The following PSMA1 variants were observed in gnomAD, a reference collection of about 807,000 sequenced individuals.
PSMA1 encodes proteasome subunit alpha type-1.
In PSMA1, 3 loss-of-function variants were observed where a neutral mutation model predicts 38.4. That is an observed-to-expected ratio of 0.08 (90% CI 0.04 to 0.20). PSMA1 has a LOEUF of 0.20. Ranked by LOEUF, PSMA1 falls within the 10% of genes least tolerant of loss-of-function variation. PSMA1 has a pLI of 1.00. For synonymous variants in PSMA1, 101 were observed against 107.1 expected, an observed-to-expected ratio of 0.94 and a Z score of 0.35; for missense variants, 227 against 325.3, an observed-to-expected ratio of 0.70 and a Z score of 2.32.
At chr11:14,568,850 A>G (rs1445518651) in intron 2 of PSMA1, among the ~76,000 whole-genome samples, 1 of 152,204 alleles carries the variant, frequency 6.6e-6, no homozygotes, top group African/African-American at 2.4e-5. Context: ...TAGCGGGGAC[A>G]TCTTTCTTGT....
chr11:14,524,946 T>C (rs2134155910), upstream of PSMA1, among the ~76,000 whole-genome samples: 1 of 152,280 alleles, frequency 6.6e-6, no homozygotes, highest in South Asian at 2.1e-4. Context: ...GCTTAGCGGC[T>C]GAAGACTGAC....
intron 2 of PSMA1, among the ~76,000 whole-genome samples, chr11:14,526,106 A>G (rs1053508236): frequency 2.6e-5 from 4 of 152,102 alleles, no homozygotes; most frequent in East Asian, 1.9e-4. Flanking sequence ...ACTGTGTCCA[A>G]CTGATCTCTC....
intron 2 of PSMA1, among the ~76,000 whole-genome samples, chr11:14,601,206 T>C (rs1047242666): frequency 6.6e-6 from 1 of 152,166 alleles, no homozygotes; most frequent in Admixed American, 6.5e-5. Flanking sequence ...CAGTGCTAAC[T>C]CAAGGGTGCT....
At chr11:14,590,925 G>A (rs929437962) in intron 2 of PSMA1, among the ~76,000 whole-genome samples, 1 of 152,232 alleles carries the variant, frequency 6.6e-6, no homozygotes, top group African/African-American at 2.4e-5. Flanking sequence ...CACAGTTCTC[G>A]CTCGCTCTAG....
chr11:14,509,514 G>T (rs1296889535), intron 8 of PSMA1, among the ~76,000 whole-genome samples: 19 of 147,624 alleles, frequency 1.3e-4, no homozygotes, highest in Admixed American at 1.1e-3. Context: ...TTTTTGAGAT[G>T]GAGTTTTGCT....
At chr11:14,588,820 A>G (rs1852379828) in intron 2 of PSMA1, among the ~76,000 whole-genome samples, 1 of 152,186 alleles carries the variant, frequency 6.6e-6, no homozygotes, top group South Asian at 2.1e-4. Flanking sequence ...CCCCTTGCTC[A>G]GTCTACTCCA....
At chr11:14,515,968 T>C (rs553911414) in intron 4 of PSMA1, among the ~76,000 whole-genome samples, 1 of 150,914 alleles carries the variant, frequency 6.6e-6, no homozygotes, top group African/African-American at 2.4e-5. Flanking sequence ...TCCCAGCACT[T>C]TGGGAGGCCG....
intron 3 of PSMA1, 53 bp downstream of exon 3, chr11:14,517,827 G>C: frequency 6.6e-7 from 1 of 1,521,366 alleles, no homozygotes; most frequent in Non-Finnish European, 8.9e-7. Flanking sequence ...ATTTTCTATG[G>C]TGAAATTTAC....
intron 2 of PSMA1, among the ~76,000 whole-genome samples, chr11:14,585,821 G>T (rs566794864): frequency 4.9e-4 from 74 of 152,162 alleles, no homozygotes; most frequent in African/African-American, 1.7e-3. Context: ...GAACAGTTTT[G>T]GGGTGCTGAG....
chr11:14,537,708 A>G (rs1172216759), intron 2 of PSMA1, among the ~76,000 whole-genome samples: 1 of 141,312 alleles, frequency 7.1e-6, no homozygotes, highest in Non-Finnish European at 1.5e-5. Context: ...TGGTAAAATT[A>G]CCCTTTTTTT....
At chr11:14,593,612 A>AAGAG (rs1325699473) in intron 2 of PSMA1, among the ~76,000 whole-genome samples, 1 of 58,386 alleles carries the variant, frequency 1.7e-5, no homozygotes, top group East Asian at 4.2e-4. Flanking sequence ...AGGAGGAAAA[A>AAGAG]TGAGAGAGAG....
intron 1 of PSMA1, among the ~76,000 whole-genome samples, chr11:14,519,556 T>C (rs1851492173): frequency 1.3e-5 from 2 of 152,244 alleles, no homozygotes; most frequent in Admixed American, 6.5e-5. Context: ...ACTGTAGTTA[T>C]GCCTGTACAA....
chr11:14,626,489 A>G (rs974813266), intron 1 of PSMA1, among the ~76,000 whole-genome samples: 2 of 152,210 alleles, frequency 1.3e-5, no homozygotes, highest in African/African-American at 4.8e-5. Flanking sequence ...AGAAAGACAT[A>G]TCCTTAGATG....
intron 2 of PSMA1, among the ~76,000 whole-genome samples, chr11:14,531,866 G>A (rs1851650831): frequency 6.6e-6 from 1 of 152,148 alleles, no homozygotes; most frequent in South Asian, 2.1e-4. Flanking sequence ...TCAGCTAATG[G>A]AAGACACTAG....
intron 1 of PSMA1, among the ~76,000 whole-genome samples, chr11:14,627,352 G>C (rs2075229811): frequency 6.6e-6 from 1 of 152,128 alleles, no homozygotes; most frequent in Non-Finnish European, 1.5e-5. Context: ...TGAGGTGCTT[G>C]GTAGAAATGC....
At chr11:14,523,959 C>T (rs1293138716), upstream of PSMA1, among the ~76,000 whole-genome samples, 1 of 151,332 alleles carries the variant, frequency 6.6e-6, no homozygotes, top group East Asian at 1.9e-4. Flanking sequence ...ACTAGGTCAG[C>T]GAACATAGTA....
intron 1 of PSMA1, among the ~76,000 whole-genome samples, chr11:14,617,964 C>T (rs945945978): frequency 1.3e-5 from 2 of 152,076 alleles, no homozygotes; most frequent in Admixed American, 6.6e-5. Context: ...ATGACTTTGG[C>T]CAGATTATGT....
chr11:14,638,196 T>C (rs1213351040), intron 1 of PSMA1, among the ~76,000 whole-genome samples: 1 of 152,108 alleles, frequency 6.6e-6, no homozygotes, highest in African/African-American at 2.4e-5. Context: ...AAAGTTTCCT[T>C]CCTTCACATC....
intron 1 of PSMA1, among the ~76,000 whole-genome samples, chr11:14,612,556 G>A (rs1852722880): frequency 6.6e-6 from 1 of 152,064 alleles, no homozygotes; most frequent in Non-Finnish European, 1.5e-5. Context: ...GTATGGAGCA[G>A]TTTCTTAATT....
Sources: gnomAD v4.1 joint callset for allele counts (sites outside exome capture counted in the v4.1 genomes callset) on GRCh38, gnomAD v4.1.1 for gene constraint, MANE v1.5 for transcripts, NCBI Gene and HGNC (gene_info 2026-07-23, HGNC 2026-07-21) for gene names.